The following ITSN1 variants were observed in gnomAD, a reference collection of about 807,000 sequenced individuals.
ITSN1 encodes the protein intersectin-1.
A neutral mutation model predicts 239.8 loss-of-function variants in ITSN1; 58 were observed. That is an observed-to-expected ratio of 0.24 (90% CI 0.20 to 0.30). The LOEUF (loss-of-function observed/expected upper bound fraction) is 0.30. ITSN1 is among the 10% of genes least tolerant of loss of function. The pLI is 1.00. For synonymous variants in ITSN1, 780 were observed against 770.8 expected (o/e 1.01, Z -0.20); for missense variants, 1,558 against 2,103.3 (o/e 0.74, Z 5.07).
At chr21:33,679,214 C>T in intron 1 of ITSN1, among the ~76,000 whole-genome samples, 1 of 152,172 alleles carries the variant, frequency 6.6e-6, no homozygotes, top group South Asian at 2.1e-4. Flanking sequence ...GTGTGTTATT[C>T]CCTTTGTGTG....
intron 22 of ITSN1, 32 bp downstream of exon 22, chr21:33,814,104 A>C (rs1037680895): frequency 6.2e-7 from 1 of 1,608,192 alleles, no homozygotes; most frequent in Non-Finnish European, 8.5e-7. Context: ...GTGAAGACTT[A>C]GCATGCTATC....
At chr21:33,792,395 G>A (rs1266555525) in intron 16 of ITSN1, among the ~76,000 whole-genome samples, 2 of 151,966 alleles carry the variant, frequency 1.3e-5, no homozygotes, top group Admixed American at 6.6e-5. Context: ...TAGTAGAGAC[G>A]GGGTTTCTCC....
intron 29 of ITSN1, among the ~76,000 whole-genome samples, chr21:33,855,769 G>C (rs1311477819): frequency 6.6e-6 from 1 of 152,254 alleles, no homozygotes. Context: ...CTTGTGCCAG[G>C]CTCTCTGCAG....
At chr21:33,875,242 G>C (rs575977140) in intron 33 of ITSN1, 112 bp from the exon 34 acceptor site, 28 of 1,176,224 alleles carry the variant, frequency 2.4e-5, no homozygotes, top group African/African-American at 1.5e-5. Context: ...AGTGGGCGCC[G>C]TCCATGAAAG....
chr21:33,675,392 T>C (rs2090531418), intron 1 of ITSN1, among the ~76,000 whole-genome samples: 1 of 151,690 alleles, frequency 6.6e-6, no homozygotes, highest in African/African-American at 2.4e-5. Flanking sequence ...TGAAACCCTG[T>C]CTCTATTAAA....
At chr21:33,857,945 C>A (rs1979676989) in intron 30 of ITSN1, among the ~76,000 whole-genome samples, 1 of 152,192 alleles carries the variant, frequency 6.6e-6, no homozygotes, top group South Asian at 2.1e-4. Flanking sequence ...GATGGGCTGT[C>A]CCCTTCCCTA....
At chr21:33,762,737 C>T (rs188642913) in intron 9 of ITSN1, among the ~76,000 whole-genome samples, 3 of 151,898 alleles carry the variant, frequency 2.0e-5, no homozygotes, top group Non-Finnish European at 2.9e-5. Flanking sequence ...CATCTTGGCT[C>T]ACTGCAACCT....
At chr21:33,658,553 A>G (rs149429134) in intron 1 of ITSN1, among the ~76,000 whole-genome samples, 12 of 152,350 alleles carry the variant, frequency 7.9e-5, no homozygotes, top group Admixed American at 7.8e-4. Flanking sequence ...CGGTAAAAAT[A>G]TGCTGTTACA....
At position 33,740,693 on chromosome 21, in the gene ITSN1, G is replaced by A. The variant is rs797009834; in HGVS notation, c.346+5489G>A. 9.2e-5 allele frequency among the ~76,000 whole-genome samples: 14 copies of A among 152,294 alleles called. 1 individual carries two copies. The highest frequency in any genetic ancestry group is 2.6e-4 in the African/African-American group (11 of 41,554). On this transcript the variant is annotated intron_variant, in intron 5 of 39. Transcript: ENST00000381318. ...AGCCAGAATACGGCTTCTGGTAGATGTATTTATTTAGAAAGTCATTCATTC... is the reference window on the plus strand; with the variant it reads ...AGCCAGAATACGGCTTCTGGTAGATATATTTATTTAGAAAGTCATTCATTC...
rs761410190 is a variant in ITSN1, at chr21:33,676,523, C to A, written c.-33+33810C>A. 3.3e-5 allele frequency among the ~76,000 whole-genome samples: 5 copies of A among 152,304 alleles called. No homozygotes were observed. The East Asian group carries it at 5.8e-4, about 18-fold the overall frequency. On this transcript the variant is annotated intron_variant, in intron 1 of 39. Coordinates refer to ENST00000381318, the MANE Select transcript of ITSN1 (RefSeq NM_003024.3). ...GATTATAGGCATGAGCCACCGTGCC[C>A]AGCCTCTGCCACACTTCCATGATTT...
rs181616824 is a variant in ITSN1, at chr21:33,819,602, C to T, written c.3016+279C>T. 1.5e-3 allele frequency among the ~76,000 whole-genome samples: 227 copies of T among 152,274 alleles called. 1 individual carries two copies. The highest frequency in any genetic ancestry group is 4.4e-3 in the African/African-American group (183 of 41,550). On this transcript the variant is annotated intron_variant, in intron 24 of 39. Transcript: ENST00000381318. ...TCAGTTCACTAAGAATCGAGTTTTC[C>T]GAGCATCTCTATAGCTAAACTATGG...
chr21:33,796,951 C>T (rs1368105484), intron 17 of ITSN1, among the ~76,000 whole-genome samples: 1 of 152,114 alleles, frequency 6.6e-6, no homozygotes, highest in Admixed American at 6.5e-5. Context: ...GTCAATAAAA[C>T]AATCCCTTGC....
chr21:33,706,043 C>A (rs1448595927), intron 1 of ITSN1, among the ~76,000 whole-genome samples: 1 of 151,966 alleles, frequency 6.6e-6, no homozygotes, highest in East Asian at 1.9e-4. Flanking sequence ...GAATTTTGTT[C>A]ATATACTTAT....
rs374088512 is a variant in ITSN1, at chr21:33,797,656, C to T, written c.2182+48C>T. 4.7e-6 allele frequency: 7 copies of T among 1,499,684 alleles called. No homozygotes were observed. The African/African-American group carries it at 9.7e-5, about 21-fold the overall frequency. The allele number at this position is 1,499,684 out of a possible 1,614,324, so 92.9% of individuals were successfully genotyped here. A position where few individuals can be genotyped will look rare whatever the true frequency, so the allele number is the denominator to read the frequency against. The stretch of plus-strand genomic sequence containing the variant: ...ATAGAAAATAAGTCATCTTCTCTCC[C>T]AGAGCCTCCTGAAAAATGCCCCTAT... On this transcript the variant is annotated intron_variant, in intron 18 of 39. Transcript: ENST00000381318. This position sits in a 1 kb window ranked among gnomAD's most constrained non-coding sequence, Gnocchi z 4.9.
chr21:33,693,415 G>A (rs1463370775), intron 1 of ITSN1, among the ~76,000 whole-genome samples: 1 of 151,924 alleles, frequency 6.6e-6, no homozygotes, highest in Non-Finnish European at 1.5e-5. Flanking sequence ...GGAGTGCAAT[G>A]GTGTGATCTC....
chr21:33,835,891 A>G (rs1194382322), intron 28 of ITSN1, among the ~76,000 whole-genome samples: 1 of 152,256 alleles, frequency 6.6e-6, no homozygotes. Context: ...AGATCGTGCC[A>G]CTGCACTCCA....
chr21:33,759,035 A>G (rs1602057161), intron 8 of ITSN1, among the ~76,000 whole-genome samples: 1 of 152,242 alleles, frequency 6.6e-6, no homozygotes. Context: ...TAGAATTACA[A>G]GAGATAATTG....
At position 33,713,828 on chromosome 21, in the gene ITSN1, C is replaced by CTTTTT. The variant is rs35226795; in HGVS notation, c.-32-4949_-32-4945dup. 1.2e-3 allele frequency among the ~76,000 whole-genome samples: 103 copies of CTTTTT among 89,370 alleles called. 5 individuals carry two copies. Among genetic ancestry groups the CTTTTT allele is most frequent in the East Asian group, 1.5e-3 (4 of 2,688 alleles). 58.6% of individuals were successfully genotyped at this position (89,370 alleles called of 152,430 possible). A position where few individuals can be genotyped will look rare whatever the true frequency, so the allele number is the denominator to read the frequency against. The stretch of plus-strand genomic sequence containing the variant: ...TTACCTGGGAACATTCCAGCCTCAT[C>CTTTTT]TTTTTTTTTTTTTTTTTTTTTTTTG... On this transcript the variant is annotated intron_variant, in intron 1 of 39. Coordinates refer to ENST00000381318, the MANE Select transcript of ITSN1 (RefSeq NM_003024.3).
At position 33,799,888 on chromosome 21, in the gene ITSN1, A is replaced by G. The variant is rs2071847376; in HGVS notation, c.2263A>G (p.Ser755Gly). ...GGCACTGTACCCCTTTGAATCCAGA[A>G]GCCATGATGAAATCACTATCCAGCC... ...YRALYPFESR[S>G]HDEITIQPGD... The change falls in exon 19 of 40, where the codon AGC (serine) becomes GGC (glycine). Residue 755 changes from serine (S) to glycine (G), a missense_variant. Physicochemically the swap from Ser to Gly is moderately conservative, Grantham distance 56. This residue lies in a region of ITSN1 where 982 missense variants were observed against 1,209.9 expected (regional missense o/e 0.81). Coordinates refer to ENST00000381318, the MANE Select transcript of ITSN1 (RefSeq NM_003024.3). 6.2e-7 allele frequency: 1 copy of G among 1,613,938 alleles called. No individual in the cohort carries two copies. Among genetic ancestry groups the G allele is most frequent in the South Asian group, 1.1e-5 (1 of 91,076 alleles).
Sources: allele counts gnomAD v4.1 joint callset (sites outside exome capture counted in the v4.1 genomes callset), GRCh38; gene constraint gnomAD v4.1.1; regional missense constraint gnomAD v4.1.1; non-coding constraint Gnocchi (gnomAD v3.1); transcripts MANE v1.5; gene names NCBI Gene and HGNC (gene_info 2026-07-23, HGNC 2026-07-21).